PAPPA2: variants seen among roughly 807,000 people sequenced by gnomAD.
PAPPA2 encodes pappalysin 2.
A neutral mutation model predicts 176.4 loss-of-function variants in PAPPA2; 86 were observed. That is an observed-to-expected ratio of 0.49 (90% confidence interval 0.41 to 0.58). The LOEUF (loss-of-function observed/expected upper bound fraction) is 0.58, where lower values mean the gene tolerates loss of function less well. Ranked by LOEUF, PAPPA2 falls within the 20% of genes least tolerant of loss-of-function variation. PAPPA2 has a pLI of 0.00. For missense variants in PAPPA2, 2,073 were observed against 2,256.9 expected (o/e 0.92, Z 1.65); for synonymous variants, 809 against 852.2 (o/e 0.95, Z 0.88).
intron 14 of PAPPA2, among the ~76,000 whole-genome samples, chr1:176,749,520 C>A (rs1401152404): frequency 6.6e-6 from 1 of 152,174 alleles, no homozygotes; most frequent in East Asian, 1.9e-4. Flanking sequence ...TGTGCTTGGG[C>A]AAATGTGTAA....
At position 176,634,961 on chromosome 1, in the gene PAPPA2, AG is replaced by A. The variant is rs1462945662; in HGVS notation, c.1992-36008del. On this transcript the variant is annotated intron_variant, in intron 3 of 22. Coordinates refer to ENST00000367662, the MANE Select transcript of PAPPA2 (RefSeq NM_020318.3). The stretch of plus-strand genomic sequence containing the variant: ...ATAGATGATAGGTAGATAGATAGAT[AG>A]ATAAATAGATAGATAGATAGATAGA... Among the ~76,000 whole-genome samples the A allele has an allele frequency of 9.2e-3, 1,126 of 121,816 alleles. 6 individuals are homozygous for A. The highest frequency in any genetic ancestry group is 0.025 in the African/African-American group (793 of 32,362). The allele number at this position is 121,816 out of a possible 152,430, so 79.9% of individuals were successfully genotyped here.
intron 4 of PAPPA2, among the ~76,000 whole-genome samples, chr1:176,688,259 C>T (rs1416116766): frequency 6.6e-6 from 1 of 152,092 alleles, no homozygotes; most frequent in Non-Finnish European, 1.5e-5. Flanking sequence ...GTGAAGGCAC[C>T]TGGAAAGAAC....
Position 176,699,192 on chromosome 1 carries a change from C to G in PAPPA2, c.2839C>G (p.Pro947Ala). ...LYHMNMTVPC[P>A]TEGCSLELLF... ...CCACATGAACATGACGGTCCCCTGC[C>G]CCACAGAAGGCTGTAGCTTGGAGCT... Residue 947 changes from proline to alanine, a missense_variant, in exon 8 of 23, where the codon CCC (proline) becomes GCC (alanine). Pro to Ala is a conservative substitution (Grantham distance 27). Coordinates refer to ENST00000367662, the MANE Select transcript of PAPPA2 (RefSeq NM_020318.3). The G allele has an allele frequency of 6.2e-7, 1 of 1,614,166 alleles. No homozygotes were observed. Among genetic ancestry groups the G allele is most frequent in the Non-Finnish European group, 8.5e-7 (1 of 1,180,022 alleles).
At chr1:176,708,530 TAGAGAG>T (rs71565479) in intron 10 of PAPPA2, among the ~76,000 whole-genome samples, 53 of 145,588 alleles carry the variant, frequency 3.6e-4, no homozygotes, top group African/African-American at 7.4e-4. Flanking sequence ...TACGTACATG[TAGAGAG>T]AGAGAGAGAG....
intron 1 of PAPPA2, among the ~76,000 whole-genome samples, chr1:176,480,229 G>C (rs535094923): frequency 6.6e-5 from 10 of 152,302 alleles, no homozygotes; most frequent in Admixed American, 2.0e-4. Flanking sequence ...GTATTGCTCT[G>C]TGCAACAGTC....
intron 17 of PAPPA2, among the ~76,000 whole-genome samples, chr1:176,775,897 G>A (rs139572525): frequency 2.7e-4 from 41 of 152,194 alleles, no homozygotes; most frequent in East Asian, 2.1e-3. Context: ...ATTTTAACAC[G>A]TCTCTGAGAC....
At chr1:176,484,915 A>G (rs1479133563) in intron 1 of PAPPA2, among the ~76,000 whole-genome samples, 1 of 152,142 alleles carries the variant, frequency 6.6e-6, no homozygotes, top group Non-Finnish European at 1.5e-5. Flanking sequence ...CTGCCCCAGC[A>G]CCAGTTTCTA....
chr1:176,571,755 C>G (rs1422445350), intron 2 of PAPPA2, among the ~76,000 whole-genome samples: 1 of 152,194 alleles, frequency 6.6e-6, no homozygotes, highest in East Asian at 1.9e-4. Context: ...AACCACTATT[C>G]TCAACTAACT....
At chr1:176,596,639 A>T (rs1333338362) in intron 3 of PAPPA2, among the ~76,000 whole-genome samples, 1 of 152,212 alleles carries the variant, frequency 6.6e-6, no homozygotes, top group Admixed American at 6.5e-5. Flanking sequence ...CCTATTTGGA[A>T]TATCAGCTAC....
intron 12 of PAPPA2, among the ~76,000 whole-genome samples, chr1:176,716,432 G>A (rs766047528): frequency 4.7e-4 from 71 of 150,934 alleles, no homozygotes; most frequent in Admixed American, 3.0e-3. Flanking sequence ...TTTTAGTAGA[G>A]ATGGGGTTTC....
chr1:176,757,989 C>T (rs1558565101), intron 14 of PAPPA2, among the ~76,000 whole-genome samples: 4 of 152,138 alleles, frequency 2.6e-5, no homozygotes, highest in Admixed American at 6.5e-5. Flanking sequence ...GAGATGGACA[C>T]ATCCTGACAG....
At chr1:176,621,842 CATATGAATTAT>C (rs1458096534) in intron 3 of PAPPA2, among the ~76,000 whole-genome samples, 1 of 152,142 alleles carries the variant, frequency 6.6e-6, no homozygotes. Context: ...AAGAACACTT[CATATGAATTAT>C]AGAGTGTCTT....
At chr1:176,716,602 CTTTTTTTTTT>C (rs71299410) in intron 12 of PAPPA2, among the ~76,000 whole-genome samples, 1 of 114,828 alleles carries the variant, frequency 8.7e-6, no homozygotes, top group Non-Finnish European at 1.7e-5. Context: ...TTCCTTCCTT[CTTTTTTTTTT>C]TTTTTTTTTT....
rs557913064 is a variant in PAPPA2 at position 176,843,534 on chromosome 1, A to G, written c.*1080A>G. ...TTGTACTATGGCCCATTCTCTGATC[A>G]CCAGGATTACAGGAACTCACACACT... On this transcript the variant is annotated 3_prime_UTR_variant, in exon 23 of 23. Coordinates refer to ENST00000367662, the MANE Select transcript of PAPPA2 (RefSeq NM_020318.3). 3.3e-5 allele frequency: 5 copies of G among 152,246 alleles called. No homozygotes were observed. In the South Asian group the frequency reaches 1.0e-3, roughly 32 times the overall value. The allele number at this position is 152,246 out of a possible 1,614,324, so 9.4% of individuals were successfully genotyped here.
intron 3 of PAPPA2, among the ~76,000 whole-genome samples, chr1:176,614,618 A>G (rs1165510856): frequency 6.6e-6 from 1 of 152,124 alleles, no homozygotes; most frequent in Non-Finnish European, 1.5e-5. Context: ...ATTTTATTTC[A>G]ATAGCTTTTT....
intron 1 of PAPPA2, among the ~76,000 whole-genome samples, chr1:176,542,592 G>A (rs1468581064): frequency 6.6e-6 from 1 of 152,170 alleles, no homozygotes; most frequent in Non-Finnish European, 1.5e-5. Context: ...TACCCCATTG[G>A]CCAGTTTAGT....
At chr1:176,624,888 T>A (rs1655918612) in intron 3 of PAPPA2, among the ~76,000 whole-genome samples, 1 of 152,092 alleles carries the variant, frequency 6.6e-6, no homozygotes, top group Non-Finnish European at 1.5e-5. Context: ...GCAGGGCAGA[T>A]CCCCAGGAGG....
At chr1:176,697,481 A>G (rs1329880309) in intron 7 of PAPPA2, among the ~76,000 whole-genome samples, 1 of 152,232 alleles carries the variant, frequency 6.6e-6, no homozygotes, top group Non-Finnish European at 1.5e-5. Context: ...GAACCAGGTC[A>G]TATTTAAAAT....
In PAPPA2 at chr1:176,595,262, C is replaced by T. The variant is rs762450904; in HGVS notation, c.1658C>T (p.Ala553Val). 1.2e-6 allele frequency: 2 copies of T among 1,614,206 alleles called. No homozygotes were observed. The highest frequency in any genetic ancestry group is 1.7e-6 in the Non-Finnish European group (2 of 1,180,030). The change falls in exon 3 of 23, where the codon GCA becomes GTA. Residue 553 changes from alanine to valine, a missense_variant. Coordinates refer to ENST00000367662, the MANE Select transcript of PAPPA2 (RefSeq NM_020318.3). ...SEEQIRLQHE[A>V]LNEAFSRYNI... ...GAGCAGATTCGTCTGCAGCACGAGG[C>T]ACTGAATGAGGCCTTCAGCCGCTAC...
Sources: gnomAD v4.1 joint callset for allele counts (sites outside exome capture counted in the v4.1 genomes callset) on GRCh38, gnomAD v4.1.1 for gene constraint, MANE v1.5 for transcripts, NCBI Gene and HGNC (gene_info 2026-07-23, HGNC 2026-07-21) for gene names.